The following CASKIN2 variants were observed in gnomAD, a reference collection of about 807,000 sequenced individuals.
CASKIN2 encodes caskin-2.
CASKIN2 carries 41 observed loss-of-function variants against 107.1 expected under a neutral mutation model. The ratio of observed to expected loss-of-function variants is 0.38; its 90% CI spans 0.30 to 0.50. The LOEUF (loss-of-function observed/expected upper bound fraction) is 0.50, where lower values mean the gene tolerates loss of function less well. CASKIN2 is among the 20% of genes least tolerant of loss of function. The probability of loss-of-function intolerance (pLI) is 0.92; values close to 1 mark genes in which losing one functional copy is unlikely to be tolerated. For missense variants in CASKIN2, 1,546 were observed against 1,657.4 expected, an observed-to-expected ratio of 0.93 and a Z score of 1.17; for synonymous variants, 724 against 705.6, an observed-to-expected ratio of 1.03 and a Z score of -0.41.
chr17:75,506,917 AG>A lies in CASKIN2; in HGVS notation c.391-24del, dbSNP rs2053271674. ...TGACTGGGGTTGGGGGAGCCGAGTGAGGGGGCCTGGCCTGTCCGGCACCCCA... is the reference window on the plus strand; with the variant it reads ...TGACTGGGGTTGGGGGAGCCGAGTGAGGGGCCTGGCCTGTCCGGCACCCCA... On this transcript the variant is annotated intron_variant, in intron 5 of 19. Transcript: ENST00000321617. This position sits in a 1 kb window ranked among gnomAD's most constrained non-coding sequence, Gnocchi z 4.8. The A allele has an allele frequency of 6.2e-7, 1 of 1,611,002 alleles. No individual in the cohort carries two copies. The highest frequency in any genetic ancestry group is 2.2e-5 in the East Asian group (1 of 44,810).
intron 19 of CASKIN2, 40 bp from the exon 20 acceptor site, chr17:75,501,210 C>G: frequency 6.6e-7 from 1 of 1,513,822 alleles, no homozygotes; most frequent in Non-Finnish European, 9.0e-7. Context: ...CAGCCAGTGG[C>G]CTGCACCCCA....
rs752140628 is a variant in CASKIN2 at position 75,501,158 on chromosome 17, G to C, written c.3531C>G (p.Ala1177=). The C allele has an allele frequency of 6.3e-7, 1 of 1,588,594 alleles. No individual in the cohort carries two copies. Among genetic ancestry groups the C allele is most frequent in the Non-Finnish European group, 8.6e-7 (1 of 1,167,490 alleles). The change falls in exon 20 of 20, where the codon GCC becomes GCG. Residue 1177 remains alanine, a synonymous_variant. Coordinates refer to ENST00000321617, the MANE Select transcript of CASKIN2 (RefSeq NM_020753.5). ...TGTCATCCAGAATGTGCTTGGTGGA[G>C]GCGCTGGGGGTGCTGCAGCAAGGGG... ...GTKEQEGTPS[A]STKHILDDIS...
At position 75,503,390 on chromosome 17, in the gene CASKIN2, G is replaced by A. The variant is rs557349291; in HGVS notation, c.1818C>T (p.Leu606=). 98 of 1,611,856 alleles carry A rather than the reference G, an allele frequency of 6.1e-5. No individual in the cohort carries two copies. The South Asian group carries it at 7.8e-4, about 13-fold the overall frequency. ...EELQEIGVNK[L]GHQKKLMLGV... ...GCCAGGCCTCAGGACAGTCCTTACC[G>A]AGCTTGTTGACCCCAATCTCCTGCA... Residue 606 remains leucine (L), a splice_region_variant and synonymous_variant, in exon 17 of 20, where the codon CTC becomes CTT. Transcript: ENST00000321617.
At chr17:75,511,563 A>G (rs779336826) in intron 2 of CASKIN2, among the ~76,000 whole-genome samples, 6 of 152,216 alleles carry the variant, frequency 3.9e-5, no homozygotes, top group Admixed American at 6.5e-5. Flanking sequence ...TTCATACACT[A>G]TAAGGTTTGC....
Position 75,506,526 on chromosome 17 carries a change from G to C in CASKIN2, c.617+57C>G, listed in dbSNP as rs1169339484. The C allele has an allele frequency of 1.9e-6, 3 of 1,605,252 alleles. No homozygotes were observed. In the African/African-American group the frequency reaches 4.0e-5, roughly 21 times the overall value. The stretch of plus-strand genomic sequence containing the variant: ...AAAGGGCAGTGGGGGAGAGCACTGA[G>C]GGGCACCGATGGTCCCGCAGGCAGG... On this transcript the variant is annotated intron_variant, in intron 7 of 19. Coordinates refer to ENST00000321617, the MANE Select transcript of CASKIN2 (RefSeq NM_020753.5). This position sits in a 1 kb window ranked among gnomAD's most constrained non-coding sequence, Gnocchi z 4.8.
chr17:75,509,910 AG>A, intron 2 of CASKIN2: 1 of 985,838 alleles, frequency 1.0e-6, no homozygotes. Flanking sequence ...GGACAGGAAC[AG>A]GGCAAGGGCC....
In CASKIN2 at chr17:75,504,160, G is replaced by A. The variant is rs111953405; in HGVS notation, c.1467+55C>T. On this transcript the variant is annotated intron_variant, in intron 14 of 19. Transcript: ENST00000321617. ...CCCCCCGAGGCCCACGGTGCACCCC[G>A]TGGAGGTCACACCTTCCCCCCCGAG... The A allele has an allele frequency of 8.8e-5, 111 of 1,258,112 alleles. No individual in the cohort carries two copies. In the African/African-American group the frequency reaches 1.2e-3, roughly 14 times the overall value. The allele number at this position is 1,258,112 out of a possible 1,614,324, so 77.9% of individuals were successfully genotyped here.
chr17:75,505,630 A>G lies in CASKIN2; in HGVS notation c.857T>C (p.Val286Ala). ...LLREASGILK[V>A]RALKDFWNLH... ...GTTCCAGAAATCCTTGAGCGCTCGG[A>G]CCTTCAGGATCCCTGAGGCCTCTAA... Residue 286 changes from valine to alanine, a missense_variant, in exon 10 of 20, where the codon GTC becomes GCC. By Grantham distance (64) the Val-to-Ala change is moderately conservative. Around this residue, in one of 6 missense-constraint regions of CASKIN2, gnomAD observed 1,311 missense variants for 1,311.0 expected, o/e 1.00. Coordinates refer to ENST00000321617, the MANE Select transcript of CASKIN2 (RefSeq NM_020753.5). The surrounding 1 kb of genome is among the most constrained non-coding windows in gnomAD (Gnocchi z 5.1). The G allele has an allele frequency of 6.2e-7, 1 of 1,613,216 alleles. No individual in the cohort carries two copies. Among genetic ancestry groups the G allele is most frequent in the South Asian group, 1.1e-5 (1 of 91,066 alleles).
At chr17:75,513,243 C>G in intron 2 of CASKIN2, among the ~76,000 whole-genome samples, 1 of 152,054 alleles carries the variant, frequency 6.6e-6, no homozygotes, top group East Asian at 1.9e-4. Context: ...AGTTCGAGAC[C>G]AGTCTGGTCA....
Position 75,506,739 on chromosome 17 carries a change from G to T in CASKIN2, c.487-26C>A. The T allele has an allele frequency of 6.2e-7, 1 of 1,613,648 alleles. No homozygotes were observed. ...CTGCAGCACCCAGTGCCCAGTTAGA[G>T]CCTCCTCCTGAGACCCTGTAGATGT... is the stretch of plus-strand genomic sequence containing the variant. On this transcript the variant is annotated intron_variant, in intron 6 of 19. Transcript: ENST00000321617. This position sits in a 1 kb window ranked among gnomAD's most constrained non-coding sequence, Gnocchi z 4.8.
In CASKIN2 at chr17:75,506,569, G is replaced by C. The variant is rs766544268; in HGVS notation, c.617+14C>G. ...CAGGCAGGTGATGAGGAAGCGAGGG[G>C]ACCCCAAGGGTACCTGATGACTTCT... On this transcript the variant is annotated intron_variant, in intron 7 of 19. Transcript: ENST00000321617. This position sits in a 1 kb window ranked among gnomAD's most constrained non-coding sequence, Gnocchi z 4.8. The C allele has an allele frequency of 3.0e-5, 48 of 1,611,522 alleles. No homozygotes were observed. The South Asian group carries it at 4.8e-4, about 16-fold the overall frequency.
chr17:75,508,249 T>C lies in CASKIN2; in HGVS notation c.131A>G (p.Tyr44Cys). 2 of 1,613,892 alleles carry C rather than the reference T, an allele frequency of 1.2e-6. No individual in the cohort carries two copies. Among genetic ancestry groups the C allele is most frequent in the Non-Finnish European group, 1.7e-6 (2 of 1,179,918 alleles). The change falls in exon 3 of 20, where the codon TAC (tyrosine) becomes TGC (cysteine). Residue 44 changes from tyrosine (Y) to cysteine (C), a missense_variant. By Grantham distance (194) the Tyr-to-Cys change is radical. Around this residue, in one of 6 missense-constraint regions of CASKIN2, gnomAD observed 136 missense variants for 198.6 expected, o/e 0.68. Coordinates refer to ENST00000321617, the MANE Select transcript of CASKIN2 (RefSeq NM_020753.5). Reference sequence around the variant, plus strand: ...TCCCACTCACCCATCAGCATCCTGGTAGTTCACGTTGAGCCTCTTTGTGGA... The same window carrying C: ...TCCCACTCACCCATCAGCATCCTGGCAGTTCACGTTGAGCCTCTTTGTGGA... Reference protein sequence around the residue: ...LGSTKRLNVNYQDADGFSALH... With the variant: ...LGSTKRLNVNCQDADGFSALH...
In CASKIN2 at chr17:75,500,906, G is replaced by A. The variant is rs1454424872; in HGVS notation, c.*174C>T. The A allele has an allele frequency of 9.7e-6, 6 of 618,376 alleles. No individual in the cohort carries two copies. Among genetic ancestry groups the A allele is most frequent in the East Asian group, 8.4e-5 (3 of 35,676 alleles). 38.3% of individuals were successfully genotyped at this position (618,376 alleles called of 1,614,324 possible). A position where few individuals can be genotyped will look rare whatever the true frequency, so the allele number is the denominator to read the frequency against. On this transcript the variant is annotated 3_prime_UTR_variant, in exon 20 of 20. Transcript: ENST00000321617. The stretch of plus-strand genomic sequence containing the variant: ...CGCTAGTCAGGTTCTAAGGTGGGCT[G>A]CCCCACAAGAGCTGTGGTGCCCACA...
In CASKIN2 at chr17:75,504,645, C is replaced by T. The variant is rs569006632; in HGVS notation, c.1241G>A (p.Arg414His). 19 of 1,606,976 alleles carry T rather than the reference C, an allele frequency of 1.2e-5. No individual in the cohort carries two copies. The highest frequency in any genetic ancestry group is 4.5e-5 in the East Asian group (2 of 44,598). The change falls in exon 12 of 20, where the codon CGC (arginine) becomes CAC (histidine). Residue 414 changes from arginine to histidine, a missense_variant. Transcript: ENST00000321617. Reference protein sequence around the residue: ...VGSEGSVGSIRSAGSGQSSEG... With the variant: ...VGSEGSVGSIHSAGSGQSSEG... ...AGAGCTCTGCCCGCTGCCGGCACTG[C>T]GGATGCTGCCCACGCTGCCCTCACT...
chr17:75,500,742 G>A lies in CASKIN2; in HGVS notation c.*338C>T. The stretch of plus-strand genomic sequence containing the variant: ...TGGGACATGGGCTGGGGGGTACAGA[G>A]AAAGCACCCCCAAAGCCCCACCCCT... On this transcript the variant is annotated 3_prime_UTR_variant, in exon 20 of 20. Transcript: ENST00000321617. 3.2e-6 allele frequency: 1 copy of A among 314,104 alleles called. No homozygotes were observed. The highest frequency in any genetic ancestry group is 2.9e-5 in the South Asian group (1 of 35,022). 19.5% of individuals were successfully genotyped at this position (314,104 alleles called of 1,614,324 possible). A position where few individuals can be genotyped will look rare whatever the true frequency, so the allele number is the denominator to read the frequency against.
At chr17:75,507,776 AG>A in intron 3 of CASKIN2, 95 bp from the exon 4 acceptor site, 2 of 958,782 alleles carry the variant, frequency 2.1e-6, no homozygotes, top group Non-Finnish European at 3.2e-6. Context: ...GGGGGCTGGC[AG>A]GGATGGGTTA....
rs539578664 is a variant in CASKIN2 at position 75,503,435 on chromosome 17, G to A, written c.1773C>T (p.Ala591=). 144 of 1,612,898 alleles carry A rather than the reference G, an allele frequency of 8.9e-5. No homozygotes were observed. The highest frequency in any genetic ancestry group is 1.2e-4 in the Non-Finnish European group (136 of 1,179,938). ...CCTGCAGCTCCTCCCAGGTGAGGTC[G>A]GCCACCAGCCCCATGGAGTCGTAGC... ...SSGYDSMGLV[A]DLTWEELQEI... Residue 591 remains alanine (A), a synonymous_variant, in exon 17 of 20, where the codon GCC becomes GCT. Coordinates refer to ENST00000321617, the MANE Select transcript of CASKIN2 (RefSeq NM_020753.5).
chr17:75,502,891 TG>T lies in CASKIN2; in HGVS notation c.2182del (p.Gln728ArgfsTer74), dbSNP rs751998890. ...QPSGGDPSPP[Q>X]ERNLPEGTER... ...TGTGCCCTCTGGGAGGTTCCTCTCC[TG>T]GGGGGGGCTGGGATCTCCACCGCTG... On this transcript the variant is annotated frameshift_variant, in exon 18 of 20. Transcript: ENST00000321617. LOFTEE classifies it high-confidence loss of function. This position sits in a 1 kb window ranked among gnomAD's most constrained non-coding sequence, Gnocchi z 4.3. 1.3e-5 allele frequency: 20 copies of T among 1,532,000 alleles called. No individual in the cohort carries two copies. Among genetic ancestry groups the T allele is most frequent in the East Asian group, 2.3e-5 (1 of 43,802 alleles). The allele number at this position is 1,532,000 out of a possible 1,614,324, so 94.9% of individuals were successfully genotyped here. A position where few individuals can be genotyped will look rare whatever the true frequency, so the allele number is the denominator to read the frequency against.
At position 75,506,180 on chromosome 17, in the gene CASKIN2, G is replaced by T. The variant is rs1179325817; in HGVS notation, c.726+125C>A. 2.4e-6 allele frequency: 2 copies of T among 840,744 alleles called. No individual in the cohort carries two copies. Among genetic ancestry groups the T allele is most frequent in the Non-Finnish European group, 3.7e-6 (2 of 541,182 alleles). The allele number at this position is 840,744 out of a possible 1,614,324, so 52.1% of individuals were successfully genotyped here. A position where few individuals can be genotyped will look rare whatever the true frequency, so the allele number is the denominator to read the frequency against. ...TCGGCACCATTCAGAAGGAAGTCAG[G>T]CCTCTTTCCTGACGCCCATGCAAAA... On this transcript the variant is annotated intron_variant, in intron 8 of 19. Transcript: ENST00000321617. This position sits in a 1 kb window ranked among gnomAD's most constrained non-coding sequence, Gnocchi z 4.8.
Sources: allele counts gnomAD v4.1 joint callset (sites outside exome capture counted in the v4.1 genomes callset), GRCh38; gene constraint gnomAD v4.1.1; regional missense constraint gnomAD v4.1.1; non-coding constraint Gnocchi (gnomAD v3.1); transcripts MANE v1.5; gene names NCBI Gene and HGNC (gene_info 2026-07-23, HGNC 2026-07-21).